Variants in FBXL3 observed in about 807,000 individuals in gnomAD.
FBXL3 encodes the protein F-box and leucine rich repeat protein 3.
FBXL3 carries 14 observed loss-of-function variants against 37.9 expected under a neutral mutation model. That is an observed-to-expected ratio of 0.37 (90% CI 0.24 to 0.58). The LOEUF is 0.58. FBXL3 is among the 20% of genes least tolerant of loss of function. The pLI, the probability that FBXL3 is intolerant of heterozygous loss-of-function variation, is 0.74. For missense variants in FBXL3, 327 were observed against 511.1 expected, an observed-to-expected ratio of 0.64 and a Z score of 3.47; for synonymous variants, 194 against 180.1, an observed-to-expected ratio of 1.08 and a Z score of -0.62.
At position 77,007,801 on chromosome 13, in the gene FBXL3, A is replaced by C. The variant is rs2154035959; in HGVS notation, c.644-13T>G. The C allele has an allele frequency of 6.5e-7, 1 of 1,534,376 alleles. No homozygotes were observed. The highest frequency in any genetic ancestry group is 1.3e-5 in the South Asian group (1 of 78,802). The stretch of plus-strand genomic sequence containing the variant: ...ACACAAAGGATACCTTGAAAGAAAA[A>C]AAAAATTATTTGCAAGTTTTTGTAA... On this transcript the variant is annotated splice_polypyrimidine_tract_variant and intron_variant, in intron 4 of 4. Coordinates refer to ENST00000355619, the MANE Select transcript of FBXL3 (RefSeq NM_012158.4).
At chr13:77,015,368 T>C (rs752199047) in intron 4 of FBXL3, 41 bp downstream of exon 4, 2 of 1,424,462 alleles carry the variant, frequency 1.4e-6, no homozygotes, top group South Asian at 1.6e-5. Context: ...AACATAGCAA[T>C]GCATTTTACT....
chr13:77,010,591 G>A (rs2034531482), intron 4 of FBXL3: 1 of 152,216 alleles, frequency 6.6e-6, no homozygotes, highest in Non-Finnish European at 1.5e-5. Context: ...TGTTATTGCT[G>A]GCTCTAAGCT....
Position 77,006,338 on chromosome 13 carries a change from A to G in FBXL3, c.*807T>C, listed in dbSNP as rs558855730. The G allele has an allele frequency of 2.0e-5, 3 of 152,318 alleles. No individual in the cohort carries two copies. The highest frequency in any genetic ancestry group is 1.9e-4 in the East Asian group (1 of 5,192). The allele number at this position is 152,318 out of a possible 1,614,324, so 9.4% of individuals were successfully genotyped here. On this transcript the variant is annotated 3_prime_UTR_variant, in exon 5 of 5. Coordinates refer to ENST00000355619, the MANE Select transcript of FBXL3 (RefSeq NM_012158.4). ...AATTATTGTTTAATACTTTAAAGCT[A>G]GTTTAAACAAAGATAAAACCAAGGA...
chr13:77,005,798 G>A lies in FBXL3; in HGVS notation c.*1347C>T, dbSNP rs2034441748. The A allele has an allele frequency of 6.6e-6, 1 of 152,036 alleles. No individual in the cohort carries two copies. The highest frequency in any genetic ancestry group is 2.1e-4 in the South Asian group (1 of 4,820). 9.4% of individuals were successfully genotyped at this position (152,036 alleles called of 1,614,324 possible). On this transcript the variant is annotated 3_prime_UTR_variant, in exon 5 of 5. Coordinates refer to ENST00000355619, the MANE Select transcript of FBXL3 (RefSeq NM_012158.4). ...GCTTTAAGAATTAATGTATTCCACC[G>A]GGGTTAAATCATTTCTGATTTCCCT...
intron 4 of FBXL3, 141 bp from the exon 5 acceptor site, chr13:77,007,929 TAGAAG>T (rs376927628): frequency 1.9e-4 from 114 of 612,064 alleles, no homozygotes; most frequent in African/African-American, 1.8e-3. Context: ...ATAGTTGAAT[TAGAAG>T]GGAAGTAACA....
intron 4 of FBXL3, chr13:77,015,167 GTTCA>G (rs1430910546): frequency 7.0e-6 from 2 of 285,414 alleles, no homozygotes; most frequent in African/African-American, 4.4e-5. Context: ...TTTTTTTCCT[GTTCA>G]TTTTCTAGCA....
intron 1 of FBXL3, among the ~76,000 whole-genome samples, chr13:77,022,686 A>C (rs2034766681): frequency 6.6e-6 from 1 of 152,240 alleles, no homozygotes; most frequent in African/African-American, 2.4e-5. Context: ...CTGCTTCTTC[A>C]AACACATCAC....
intron 3 of FBXL3, chr13:77,017,281 G>T (rs2034661077): frequency 6.6e-6 from 1 of 152,052 alleles, no homozygotes; most frequent in Non-Finnish European, 1.5e-5. Context: ...AGAAAAAAAA[G>T]AAAATTAAAT....
intron 1 of FBXL3, 94 bp from the exon 2 acceptor site, chr13:77,021,955 T>C (rs1467661720): frequency 1.4e-5 from 14 of 999,396 alleles, no homozygotes; most frequent in East Asian, 2.4e-5. Context: ...TGTGTGTTTA[T>C]ATACACAAAC....
intron 4 of FBXL3, chr13:77,013,444 GGCAA>G (rs1476724242): frequency 6.6e-6 from 1 of 152,148 alleles, no homozygotes; most frequent in East Asian, 1.9e-4. Flanking sequence ...AATTGCTCCT[GGCAA>G]TAACATGATT....
chr13:77,018,849 G>T, intron 2 of FBXL3, 127 bp from the exon 3 acceptor site: 1 of 733,330 alleles, frequency 1.4e-6, no homozygotes, highest in Non-Finnish European at 2.0e-6. Flanking sequence ...TCATTTTATA[G>T]AAGTATCATT....
At chr13:77,013,094 T>TCTTCC (rs2034583595) in intron 4 of FBXL3, 1 of 152,198 alleles carries the variant, frequency 6.6e-6, no homozygotes, top group South Asian at 2.1e-4. Context: ...GTATTCTTTC[T>TCTTCC]CTTCCCTTCC....
chr13:77,018,503 T>TAA (rs1221913765), intron 3 of FBXL3, 97 bp downstream of exon 3: 6 of 927,824 alleles, frequency 6.5e-6, no homozygotes, highest in Admixed American at 6.4e-5. Flanking sequence ...TGTATATATA[T>TAA]AACTTTCCTT....
intron 4 of FBXL3, chr13:77,012,972 A>C (rs535216972): frequency 6.6e-6 from 1 of 152,158 alleles, no homozygotes; most frequent in Non-Finnish European, 1.5e-5. Flanking sequence ...ACGGGCTTTC[A>C]CCATGTTGGC....
intron 4 of FBXL3, among the ~76,000 whole-genome samples, chr13:77,011,913 G>A (rs2034561466): frequency 1.3e-5 from 2 of 152,098 alleles, no homozygotes; most frequent in African/African-American, 4.8e-5. Flanking sequence ...CCTCAAATGG[G>A]GAGTATGATC....
chr13:77,018,482 G>A (rs554826399), intron 3 of FBXL3, 118 bp downstream of exon 3: 7 of 657,040 alleles, frequency 1.1e-5, no homozygotes, highest in African/African-American at 7.7e-5. Context: ...ATAGTAACTG[G>A]TTTTCCATTA....
intron 1 of FBXL3, 144 bp from the exon 2 acceptor site, chr13:77,022,005 A>G (rs1302366228): frequency 1.5e-6 from 1 of 679,260 alleles, no homozygotes; most frequent in African/African-American, 1.8e-5. Flanking sequence ...GAATACCAAA[A>G]CAAACTATTA....
intron 4 of FBXL3, chr13:77,008,619 C>T (rs1400067985): frequency 6.6e-6 from 1 of 152,586 alleles, no homozygotes; most frequent in Non-Finnish European, 1.5e-5. Context: ...GTGGTGTGAT[C>T]TCAGCTCACT....
At chr13:77,015,611 A>T (rs775303048) in intron 3 of FBXL3, 31 bp from the exon 4 acceptor site, 1 of 1,400,304 alleles carries the variant, frequency 7.1e-7, no homozygotes, top group Non-Finnish European at 9.5e-7. Context: ...AATAAAAATT[A>T]TTTCAATTTT....
Sources: gnomAD v4.1 joint callset for allele counts (sites outside exome capture counted in the v4.1 genomes callset) on GRCh38, gnomAD v4.1.1 for gene constraint, MANE v1.5 for transcripts, NCBI Gene and HGNC (gene_info 2026-07-23, HGNC 2026-07-21) for gene names.